The following SETBP1 variants were observed in gnomAD, a reference collection of about 807,000 sequenced individuals.
SETBP1 encodes the protein SET-binding protein.
SETBP1 carries 9 observed loss-of-function variants against 101.0 expected under a neutral mutation model. The ratio of observed to expected loss-of-function variants is 0.09; its 90% confidence interval spans 0.05 to 0.16. SETBP1 has a LOEUF of 0.16. SETBP1 is among the 10% of genes least tolerant of loss of function. The pLI is 1.00. For missense variants in SETBP1, 1,858 were observed against 2,033.8 expected, an observed-to-expected ratio of 0.91 and a Z score of 1.66; for synonymous variants, 818 against 788.5, an observed-to-expected ratio of 1.04 and a Z score of -0.63.
At chr18:44,996,270 GTC>G (rs1388781515) in intron 4 of SETBP1, among the ~76,000 whole-genome samples, 2 of 152,206 alleles carry the variant, frequency 1.3e-5, no homozygotes, top group Non-Finnish European at 2.9e-5. Context: ...TCCAAAGAAT[GTC>G]TCAGAGAATT....
At chr18:44,832,309 A>G (rs1204926366) in intron 2 of SETBP1, among the ~76,000 whole-genome samples, 1 of 152,220 alleles carries the variant, frequency 6.6e-6, no homozygotes, top group Non-Finnish European at 1.5e-5. Flanking sequence ...ATTTTGTAGC[A>G]TGCAGCATCC....
At position 44,950,755 on chromosome 18, in the gene SETBP1, A is replaced by C. The variant is rs773465000; in HGVS notation, c.1415A>C (p.Glu472Ala). The change falls in exon 4 of 6, where the codon GAG (glutamate) becomes GCG (alanine). Residue 472 changes from glutamate to alanine, a missense_variant. Physicochemically the swap from Glu to Ala is moderately radical, Grantham distance 107. Around this residue, in one of 12 missense-constraint regions of SETBP1, gnomAD observed 581 missense variants for 535.1 expected, o/e 1.09. Transcript: ENST00000649279. ...PRVPKLSKMIENESPSVGLET... is the reference protein window; with the variant it reads ...PRVPKLSKMIANESPSVGLET... ...GTCCCTAAGTTGAGTAAAATGATAG[A>C]GAATGAGTCCCCCTCAGTTGGCCTT... The C allele has an allele frequency of 1.9e-6, 3 of 1,614,024 alleles. No homozygotes were observed. The South Asian group carries it at 3.3e-5, about 18-fold the overall frequency.
intron 2 of SETBP1, among the ~76,000 whole-genome samples, chr18:44,784,225 A>T (rs144756469): frequency 1.3e-5 from 2 of 152,156 alleles, no homozygotes; most frequent in African/African-American, 4.8e-5. Context: ...CTATTAATTC[A>T]TTTTACTTTG....
chr18:44,950,094 C>T lies in SETBP1; in HGVS notation c.754C>T (p.Pro252Ser), dbSNP rs1692521993. 1 of 1,614,062 alleles carries T rather than the reference C, an allele frequency of 6.2e-7. No homozygotes were observed. The highest frequency in any genetic ancestry group is 1.3e-5 in the African/African-American group (1 of 74,950). ...AGAAACTGCAAGCACCAGCAAGATC[C>T]CCGCTCTTGAGCCCGTGGCTTCCTT... ...GRETASTSKI[P>S]ALEPVASFAK... Residue 252 changes from proline to serine, a missense_variant, in exon 4 of 6, where the codon CCC becomes TCC. This residue lies in a region of SETBP1 where 581 missense variants were observed against 535.1 expected (regional missense o/e 1.09). Transcript: ENST00000649279.
chr18:44,888,309 T>G (rs638807), intron 3 of SETBP1, among the ~76,000 whole-genome samples: 81,379 of 151,870 alleles, frequency 0.54, 21,935 homozygotes, highest in Non-Finnish European at 0.55. Flanking sequence ...CTTCTTAGCA[T>G]CTAGTAAAAT....
At chr18:44,704,445 G>C (rs965888997) in intron 2 of SETBP1, among the ~76,000 whole-genome samples, 4 of 152,204 alleles carry the variant, frequency 2.6e-5, no homozygotes, top group African/African-American at 9.6e-5. Flanking sequence ...GAATACCCTT[G>C]AAAACTTTTT....
intron 5 of SETBP1, among the ~76,000 whole-genome samples, chr18:45,059,423 C>T (rs2073857259): frequency 6.6e-6 from 1 of 152,150 alleles, no homozygotes; most frequent in Non-Finnish European, 1.5e-5. Context: ...TCTCTTTTAA[C>T]AGTTTGTTCC....
intron 2 of SETBP1, among the ~76,000 whole-genome samples, chr18:44,745,825 C>T (rs1265111676): frequency 1.3e-5 from 2 of 152,160 alleles, no homozygotes; most frequent in East Asian, 3.9e-4. Flanking sequence ...TCAGGGAAGG[C>T]TCCTGGAGGA....
At position 44,952,044 on chromosome 18, in the gene SETBP1, C is replaced by A; in HGVS notation, c.2704C>A (p.Pro902Thr). 1 of 1,614,080 alleles carries A rather than the reference C, an allele frequency of 6.2e-7. No individual in the cohort carries two copies. Residue 902 changes from proline (P) to threonine (T), a missense_variant, in exon 4 of 6, where the codon CCG becomes ACG. Coordinates refer to ENST00000649279, the MANE Select transcript of SETBP1 (RefSeq NM_015559.3). ...TTTTGATTTCTGCTCCCTGGACAAC[C>A]CGGAGGCCATTCCGTCCGACACCAG... ...YSFDFCSLDN[P>T]EAIPSDTSTK... is the part of the protein sequence containing the mutation.
chr18:44,869,112 A>G, intron 2 of SETBP1, 118 bp from the exon 3 acceptor site: 1 of 910,792 alleles, frequency 1.1e-6, no homozygotes, highest in Non-Finnish European at 1.8e-6. Context: ...GCCTTCTGCG[A>G]TCCCACTTCT....
chr18:44,784,086 G>A (rs2071190189), intron 2 of SETBP1, among the ~76,000 whole-genome samples: 1 of 152,110 alleles, frequency 6.6e-6, no homozygotes, highest in African/African-American at 2.4e-5. Context: ...AAGATGAAGG[G>A]GTTAGACAAT....
At position 44,952,696 on chromosome 18, in the gene SETBP1, G is replaced by C; in HGVS notation, c.3356G>C (p.Gly1119Ala). ...HKAKHGVHLQ[G>A]PVSMGLGDMQ... ...GCCAAGCATGGAGTACACCTGCAGGGACCTGTTAGCATGGGCCTTGGTGAC... is the reference window on the plus strand; with the variant it reads ...GCCAAGCATGGAGTACACCTGCAGGCACCTGTTAGCATGGGCCTTGGTGAC... Residue 1119 changes from glycine to alanine, a missense_variant, in exon 4 of 6, where the codon GGA becomes GCA. By Grantham distance (60) the Gly-to-Ala change is moderately conservative. Transcript: ENST00000649279. The C allele has an allele frequency of 6.2e-7, 1 of 1,614,114 alleles. No homozygotes were observed. The highest frequency in any genetic ancestry group is 8.5e-7 in the Non-Finnish European group (1 of 1,180,030).
intron 2 of SETBP1, among the ~76,000 whole-genome samples, chr18:44,823,482 C>G (rs374978573): frequency 3.8e-4 from 58 of 152,150 alleles, no homozygotes; most frequent in Non-Finnish European, 6.5e-4. Context: ...ATTTCTTATG[C>G]CTAGCTCTAT....
Position 45,063,157 on chromosome 18 carries a change from A to G in SETBP1, c.4250A>G (p.Tyr1417Cys). 2 of 1,614,022 alleles carry G rather than the reference A, an allele frequency of 1.2e-6. No individual in the cohort carries two copies. The highest frequency in any genetic ancestry group is 1.7e-6 in the Non-Finnish European group (2 of 1,180,006). ...TGCGAAGTGCGGAAGATGTGCAACT[A>G]CACCAAGATCCTGTCCACCAAGAAG... ...IQCEVRKMCN[Y>C]TKILSTKKNL... The change falls in exon 6 of 6, where the codon TAC (tyrosine) becomes TGC (cysteine). Residue 1417 changes from tyrosine to cysteine, a missense_variant. By Grantham distance (194) the Tyr-to-Cys change is radical. Around this residue, in one of 12 missense-constraint regions of SETBP1, gnomAD observed 417 missense variants for 389.1 expected, o/e 1.07. Transcript: ENST00000649279.
At chr18:45,026,144 G>A (rs2073160464) in intron 4 of SETBP1, among the ~76,000 whole-genome samples, 1 of 152,188 alleles carries the variant, frequency 6.6e-6, no homozygotes, top group Non-Finnish European at 1.5e-5. Flanking sequence ...TTCACATTAG[G>A]AAGAATCTAG....
intron 5 of SETBP1, among the ~76,000 whole-genome samples, chr18:45,059,222 C>A (rs1471988746): frequency 6.6e-6 from 1 of 152,284 alleles, no homozygotes; most frequent in South Asian, 2.1e-4. Context: ...TACCTCCTCC[C>A]TTCCTTAGTA....
At chr18:45,061,742 C>T (rs1442714588) in intron 5 of SETBP1, among the ~76,000 whole-genome samples, 1 of 152,216 alleles carries the variant, frequency 6.6e-6, no homozygotes. Context: ...ATGTTTTAAG[C>T]GTCTTTTTTC....
intron 4 of SETBP1, among the ~76,000 whole-genome samples, chr18:44,990,817 A>G (rs2145282948): frequency 6.6e-6 from 1 of 152,118 alleles, no homozygotes; most frequent in South Asian, 2.1e-4. Context: ...AGAAAAGTGT[A>G]AAGGTATTAA....
At chr18:44,823,749 A>C (rs2072169334) in intron 2 of SETBP1, among the ~76,000 whole-genome samples, 2 of 152,246 alleles carry the variant, frequency 1.3e-5, no homozygotes, top group Admixed American at 1.3e-4. Flanking sequence ...TGATATATAT[A>C]GGAGAGCCAA....
Sources: allele counts gnomAD v4.1 joint callset (sites outside exome capture counted in the v4.1 genomes callset), GRCh38; gene constraint gnomAD v4.1.1; regional missense constraint gnomAD v4.1.1; transcripts MANE v1.5; gene names NCBI Gene and HGNC (gene_info 2026-07-23, HGNC 2026-07-21).